CCDC144A: variants seen among roughly 807,000 people sequenced by gnomAD.
The protein encoded by CCDC144A is coiled-coil domain-containing protein 144A.
CCDC144A carries 41 observed loss-of-function variants against 143.8 expected under a neutral mutation model. That is an observed-to-expected ratio of 0.29 (90% CI 0.22 to 0.37). CCDC144A has a LOEUF of 0.37. Ranked by LOEUF, CCDC144A falls within the 10% of genes least tolerant of loss-of-function variation. CCDC144A has a pLI of 1.00. For missense variants in CCDC144A, 637 were observed against 1,488.8 expected (o/e 0.43, Z 9.41); for synonymous variants, 242 against 517.9 (o/e 0.47, Z 7.23).
chr17:16,738,640 G>A (rs1343490580), intron 12 of CCDC144A, among the ~76,000 whole-genome samples: 4 of 152,154 alleles, frequency 2.6e-5, no homozygotes, highest in Admixed American at 2.0e-4. Context: ...TCTTATTGCT[G>A]AGTAATTTTC....
intron 12 of CCDC144A, among the ~76,000 whole-genome samples, chr17:16,747,265 TG>T (rs1313489988): frequency 1.3e-5 from 2 of 152,164 alleles, no homozygotes; most frequent in African/African-American, 4.8e-5. Flanking sequence ...CATTGGTCTA[TG>T]TGTCTGTTTT....
At chr17:16,768,284 C>G (rs1036568226) in intron 15 of CCDC144A, among the ~76,000 whole-genome samples, 11 of 152,178 alleles carry the variant, frequency 7.2e-5, no homozygotes, top group African/African-American at 2.7e-4. Flanking sequence ...TGGGGAGTTT[C>G]TTGAGATCCC....
In CCDC144A at chr17:16,773,667, G is replaced by C. The variant is rs1245580832; in HGVS notation, c.*34G>C. ...GCAATTTTATTTGGGCTATTCACATGATATTTTGTTTCCCATTAAATATAT... is the reference window on the plus strand; with the variant it reads ...GCAATTTTATTTGGGCTATTCACATCATATTTTGTTTCCCATTAAATATAT... On this transcript the variant is annotated 3_prime_UTR_variant, in exon 17 of 17. Transcript: ENST00000399273. 12 of 1,443,452 alleles carry C rather than the reference G, an allele frequency of 8.3e-6. No individual in the cohort carries two copies. The highest frequency in any genetic ancestry group is 1.1e-5 in the Non-Finnish European group (12 of 1,089,672). 89.4% of individuals were successfully genotyped at this position (1,443,452 alleles called of 1,614,324 possible). A position where few individuals can be genotyped will look rare whatever the true frequency, so the allele number is the denominator to read the frequency against.
intron 6 of CCDC144A, among the ~76,000 whole-genome samples, chr17:16,714,812 C>G (rs890944526): frequency 6.6e-6 from 1 of 151,834 alleles, no homozygotes; most frequent in Admixed American, 6.6e-5. Context: ...ACACAATATG[C>G]CCTGTTCTCT....
intron 2 of CCDC144A, among the ~76,000 whole-genome samples, chr17:16,697,335 CA>C (rs1322580946): frequency 6.6e-6 from 1 of 152,126 alleles, no homozygotes; most frequent in Admixed American, 6.5e-5. Flanking sequence ...TGAAAACAGT[CA>C]TAAAAAGGCA....
At chr17:16,768,734 A>G (rs1193602172) in intron 15 of CCDC144A, among the ~76,000 whole-genome samples, 2 of 152,168 alleles carry the variant, frequency 1.3e-5, no homozygotes, top group Admixed American at 6.5e-5. Flanking sequence ...GTTATTGCTG[A>G]AGAGTGAACT....
upstream of CCDC144A, among the ~76,000 whole-genome samples, chr17:16,686,102 T>TTTG (rs1567578379): frequency 6.8e-6 from 1 of 147,088 alleles, no homozygotes; most frequent in African/African-American, 2.6e-5. Context: ...TTTTTTTTTT[T>TTTG]TTTTTTTTTT....
At chr17:16,754,667 G>A (rs1597586323) in intron 12 of CCDC144A, among the ~76,000 whole-genome samples, 1 of 152,234 alleles carries the variant, frequency 6.6e-6, no homozygotes, top group African/African-American at 2.4e-5. Flanking sequence ...TCTGGAGAAT[G>A]TTCTATGTGC....
chr17:16,684,116 T>C, the CCDC144A span: 1 of 1,122,782 alleles, frequency 8.9e-7, no homozygotes, highest in Non-Finnish European at 1.4e-6. Flanking sequence ...TATAACTAAC[T>C]GGGTTCAAGG....
intron 9 of CCDC144A, among the ~76,000 whole-genome samples, chr17:16,730,319 G>C (rs1913680184): frequency 9.7e-6 from 1 of 103,544 alleles, no homozygotes; most frequent in African/African-American, 4.7e-5. Flanking sequence ...TTATTTCTAG[G>C]TTCTCTATTC....
upstream of CCDC144A, among the ~76,000 whole-genome samples, chr17:16,686,790 A>C (rs568578700): frequency 6.6e-6 from 1 of 151,240 alleles, no homozygotes; most frequent in South Asian, 2.1e-4. Flanking sequence ...ACACACAAAG[A>C]AAAGAAATAC....
At chr17:16,704,561 A>G (rs1911936606) in intron 2 of CCDC144A, among the ~76,000 whole-genome samples, 1 of 151,852 alleles carries the variant, frequency 6.6e-6, no homozygotes, top group African/African-American at 2.4e-5. Flanking sequence ...ACTGTGTGCT[A>G]TTTGGATCTA....
In CCDC144A at chr17:16,733,680, G is replaced by A. The variant is rs1440320781; in HGVS notation, c.2419-1010G>A. Among the ~76,000 whole-genome samples the A allele has an allele frequency of 3.3e-5, 5 of 150,900 alleles. No homozygotes were observed. In the East Asian group the frequency reaches 9.8e-4, roughly 30 times the overall value. ...TTTTACCACTGGTGTTTTGAAATAA[G>A]CCTCTTTTATATTTATATATACACA... On this transcript the variant is annotated intron_variant, in intron 11 of 16. Coordinates refer to ENST00000399273, the MANE Select transcript of CCDC144A (RefSeq NM_001382000.1).
upstream of CCDC144A, among the ~76,000 whole-genome samples, chr17:16,685,467 G>A (rs1910746444): frequency 6.6e-6 from 1 of 151,792 alleles, no homozygotes; most frequent in African/African-American, 2.4e-5. Flanking sequence ...TGCAAACTCC[G>A]CCTCCTGGGT....
At position 16,722,017 on chromosome 17, in the gene CCDC144A, C is replaced by T. The variant is rs1391080255; in HGVS notation, c.1891+1359C>T. On this transcript the variant is annotated intron_variant, in intron 8 of 16. Coordinates refer to ENST00000399273, the MANE Select transcript of CCDC144A (RefSeq NM_001382000.1). Reference sequence around the variant, plus strand: ...AAAGGAGACATTCCTGTATTGTTCCCGATCTTACAGGGAAAGCATTCAGTT... The same window carrying T: ...AAAGGAGACATTCCTGTATTGTTCCTGATCTTACAGGGAAAGCATTCAGTT... Among the ~76,000 whole-genome samples the T allele has an allele frequency of 3.9e-5, 6 of 152,238 alleles. No homozygotes were observed. The East Asian group carries it at 7.7e-4, about 20-fold the overall frequency.
At chr17:16,700,250 G>A (rs1049908556) in intron 2 of CCDC144A, among the ~76,000 whole-genome samples, 3 of 152,190 alleles carry the variant, frequency 2.0e-5, no homozygotes, top group African/African-American at 7.2e-5. Flanking sequence ...AGCAGGATAT[G>A]CTTAATTCCC....
intron 7 of CCDC144A, 58 bp from the exon 8 acceptor site, chr17:16,720,459 T>G (rs1913027228): frequency 2.5e-6 from 4 of 1,569,916 alleles, no homozygotes; most frequent in Non-Finnish European, 8.7e-7. Flanking sequence ...TTCTGTACCT[T>G]TAGTATATGC....
chr17:16,764,898 A>G (rs1915530454), intron 15 of CCDC144A: 1 of 137,956 alleles, frequency 7.2e-6, no homozygotes, highest in Admixed American at 7.5e-5. Context: ...CTACCTGGCC[A>G]TAACTTTAGT....
At chr17:16,743,712 G>T (rs2143284653) in intron 12 of CCDC144A, among the ~76,000 whole-genome samples, 1 of 151,968 alleles carries the variant, frequency 6.6e-6, no homozygotes, top group African/African-American at 2.4e-5. Context: ...CAGATTCAGG[G>T]AGTACATGTG....
Sources: allele counts gnomAD v4.1 joint callset (sites outside exome capture counted in the v4.1 genomes callset), GRCh38; gene constraint gnomAD v4.1.1; transcripts MANE v1.5; gene names NCBI Gene and HGNC (gene_info 2026-07-23, HGNC 2026-07-21).